The following SUGCT variants were observed in gnomAD, a reference collection of about 807,000 sequenced individuals.
SUGCT encodes the protein succinyl-CoA:glutarate-CoA transferase.
SUGCT carries 41 observed loss-of-function variants against 55.0 expected under a neutral mutation model. The ratio of observed to expected loss-of-function variants is 0.74; its 90% CI spans 0.58 to 0.97. SUGCT has a LOEUF of 0.97. Ranked by LOEUF, SUGCT falls within the 50% of genes least tolerant of loss-of-function variation. The pLI is 0.00. For missense variants in SUGCT, 568 were observed against 547.8 expected, an observed-to-expected ratio of 1.04 and a Z score of -0.37; for synonymous variants, 187 against 200.4, an observed-to-expected ratio of 0.93 and a Z score of 0.56.
intron 12 of SUGCT, among the ~76,000 whole-genome samples, chr7:40,714,292 C>T (rs971981037): frequency 6.6e-6 from 1 of 151,980 alleles, no homozygotes; most frequent in African/African-American, 2.4e-5. Flanking sequence ...TGTGCCTCTG[C>T]GTTCTAGCCT....
intron 12 of SUGCT, among the ~76,000 whole-genome samples, chr7:40,673,182 C>T (rs1019462319): frequency 6.6e-6 from 1 of 152,174 alleles, no homozygotes; most frequent in Non-Finnish European, 1.5e-5. Context: ...TTTGGAATCT[C>T]CATCCTCCAT....
chr7:40,181,074 A>T, intron 2 of SUGCT, 76 bp downstream of exon 2: 2 of 1,060,630 alleles, frequency 1.9e-6, no homozygotes, highest in Non-Finnish European at 2.9e-6. Flanking sequence ...TTTGAATTAT[A>T]AGAAGAGACT....
At chr7:40,910,923 G>T in the SUGCT span, among the ~76,000 whole-genome samples, 2 of 152,186 alleles carry the variant, frequency 1.3e-5, no homozygotes, top group African/African-American at 4.8e-5. Flanking sequence ...TGATTGGTTT[G>T]TTAGTAGTAA....
chr7:40,994,616 A>G, the SUGCT span, among the ~76,000 whole-genome samples: 1 of 152,200 alleles, frequency 6.6e-6, no homozygotes, highest in Admixed American at 6.5e-5. Context: ...CAGAAGGACA[A>G]ATTCTCCTTG....
chr7:40,928,747 G>A, the SUGCT span, among the ~76,000 whole-genome samples: 3 of 151,482 alleles, frequency 2.0e-5, no homozygotes, highest in African/African-American at 4.9e-5. Context: ...CTACAGGCAC[G>A]CACCACCATG....
chr7:40,442,953 A>G (rs1433362708), intron 9 of SUGCT, among the ~76,000 whole-genome samples: 28 of 152,088 alleles, frequency 1.8e-4, no homozygotes, highest in Admixed American at 1.6e-3. Context: ...ATTACCACCT[A>G]TGAGTGAGAA....
At chr7:40,144,415 C>A (rs1189990680) in intron 1 of SUGCT, among the ~76,000 whole-genome samples, 2 of 151,970 alleles carry the variant, frequency 1.3e-5, no homozygotes, top group African/African-American at 4.8e-5. Context: ...GGACTATGGC[C>A]CATGACTCTG....
chr7:40,996,736 C>T, the SUGCT span, among the ~76,000 whole-genome samples: 4 of 152,284 alleles, frequency 2.6e-5, no homozygotes, highest in Middle Eastern at 6.8e-3. Flanking sequence ...AATGTTCCAC[C>T]TTCCTTCAGC....
intron 12 of SUGCT, among the ~76,000 whole-genome samples, chr7:40,662,046 T>G (rs776033432): frequency 3.1e-4 from 47 of 152,260 alleles, no homozygotes; most frequent in Admixed American, 5.9e-4. Flanking sequence ...CAGAGCTGTT[T>G]GTTTTTGTCA....
At chr7:40,715,573 A>G (rs1785978997) in intron 12 of SUGCT, among the ~76,000 whole-genome samples, 1 of 152,162 alleles carries the variant, frequency 6.6e-6, no homozygotes, top group African/African-American at 2.4e-5. Flanking sequence ...ATCTCAGTGG[A>G]TGGGCACGAG....
intron 13 of SUGCT, among the ~76,000 whole-genome samples, chr7:40,763,572 TACTC>T (rs1189389355): frequency 6.6e-6 from 1 of 152,188 alleles, no homozygotes; most frequent in Non-Finnish European, 1.5e-5. Flanking sequence ...CCAGGGGTGT[TACTC>T]AGGCTTGACA....
intron 10 of SUGCT, among the ~76,000 whole-genome samples, chr7:40,454,008 A>T (rs1391020750): frequency 2.0e-5 from 3 of 152,212 alleles, no homozygotes; most frequent in Non-Finnish European, 4.4e-5. Flanking sequence ...AAAGTATAAT[A>T]ACCAAGAAAA....
intron 12 of SUGCT, among the ~76,000 whole-genome samples, chr7:40,741,104 C>T (rs1787436908): frequency 6.6e-6 from 1 of 151,976 alleles, no homozygotes; most frequent in Admixed American, 6.6e-5. Context: ...TGGAGAAACC[C>T]TGTCTCTACT....
intron 12 of SUGCT, among the ~76,000 whole-genome samples, chr7:40,501,773 C>T (rs1792294093): frequency 6.6e-6 from 1 of 152,074 alleles, no homozygotes; most frequent in Admixed American, 6.6e-5. Flanking sequence ...AAGGACTTTG[C>T]AGTTTAGGTT....
At chr7:40,852,196 T>A (rs1793886304) in intron 13 of SUGCT, among the ~76,000 whole-genome samples, 1 of 152,218 alleles carries the variant, frequency 6.6e-6, no homozygotes, top group Admixed American at 6.5e-5. Flanking sequence ...ATCTGGTAAA[T>A]GAACCCAGAA....
chr7:40,370,281 T>G (rs1784226311), intron 9 of SUGCT, among the ~76,000 whole-genome samples: 1 of 152,140 alleles, frequency 6.6e-6, no homozygotes. Flanking sequence ...AAATAAGTTT[T>G]GCAAGAGCCA....
chr7:40,426,296 G>T (rs550419469), intron 9 of SUGCT, among the ~76,000 whole-genome samples: 1 of 152,242 alleles, frequency 6.6e-6, no homozygotes, highest in Admixed American at 6.5e-5. Context: ...TTTGATTATA[G>T]CACGGAGACT....
chr7:40,798,549 C>G (rs758826516), intron 13 of SUGCT, among the ~76,000 whole-genome samples: 1 of 152,178 alleles, frequency 6.6e-6, no homozygotes, highest in African/African-American at 2.4e-5. Flanking sequence ...AATTTTAACT[C>G]ATGTTAGCCA....
intron 1 of SUGCT, among the ~76,000 whole-genome samples, chr7:40,143,882 G>C (rs1788111182): frequency 6.6e-6 from 1 of 152,206 alleles, no homozygotes; most frequent in Admixed American, 6.5e-5. Context: ...GCTTAGAAAA[G>C]GGGAAGAAGT....
Sources: gnomAD v4.1 joint callset for allele counts (sites outside exome capture counted in the v4.1 genomes callset) on GRCh38, gnomAD v4.1.1 for gene constraint, MANE v1.5 for transcripts, NCBI Gene and HGNC (gene_info 2026-07-23, HGNC 2026-07-21) for gene names.